The following FUNDC1 variants were observed in gnomAD, a reference collection of about 807,000 sequenced individuals.
FUNDC1 encodes FUN14 domain-containing protein 1.
In FUNDC1, 10 loss-of-function variants were observed where a neutral mutation model predicts 14.5. The observed-to-expected ratio is 0.69, with a 90% CI of 0.43 to 1.17. The LOEUF (loss-of-function observed/expected upper bound fraction) is 1.17, where lower values mean the gene tolerates loss of function less well. FUNDC1 is among the 50% of genes most tolerant of loss of function. The pLI is 0.00. For missense variants in FUNDC1, 115 were observed against 113.8 expected, an observed-to-expected ratio of 1.01 and a Z score of -0.05; for synonymous variants, 33 against 39.7, an observed-to-expected ratio of 0.83 and a Z score of 0.64.
intron 4 of FUNDC1, among the ~76,000 whole-genome samples, chrX:44,525,860 G>A (rs895084316): frequency 9.1e-6 from 1 of 109,780 alleles, no homozygotes; most frequent in Non-Finnish European, 1.9e-5. Context: ...AATTAACAAA[G>A]AAAGGAAATA....
At chrX:44,529,502 A>C (rs1485316545) in intron 3 of FUNDC1, among the ~76,000 whole-genome samples, 1 of 111,260 alleles carries the variant, frequency 9.0e-6, no homozygotes, top group Non-Finnish European at 1.9e-5. Context: ...CTCAGCACTA[A>C]ACACACCCTT....
intron 2 of FUNDC1, 47 bp from the exon 3 acceptor site, chrX:44,538,589 C>T (rs1199197600): frequency 1.1e-6 from 1 of 904,924 alleles, no homozygotes; most frequent in Non-Finnish European, 1.6e-6. Flanking sequence ...ATGTACTAAA[C>T]CCTCTCCCTC....
chrX:44,527,019 T>C (rs188574181), intron 4 of FUNDC1, among the ~76,000 whole-genome samples: 1 of 105,348 alleles, frequency 9.5e-6, no homozygotes, highest in Admixed American at 1.0e-4. Flanking sequence ...GCTAGAGATA[T>C]GCAGGGGAAT....
chrX:44,533,752 A>G (rs1477889660), intron 3 of FUNDC1, among the ~76,000 whole-genome samples: 5 of 110,389 alleles, frequency 4.5e-5, no homozygotes, highest in Non-Finnish European at 9.5e-5. Flanking sequence ...AGCAAGAAAC[A>G]GAATGCTAAA....
intron 3 of FUNDC1, among the ~76,000 whole-genome samples, chrX:44,528,514 A>C (rs920386998): frequency 6.2e-5 from 7 of 112,283 alleles, no homozygotes; most frequent in Non-Finnish European, 1.1e-4. Context: ...AAAATTCTAC[A>C]TATAAATTGA....
At chrX:44,542,725 G>C (rs1297052569) in intron 1 of FUNDC1, 80 bp downstream of exon 1, 1 of 960,961 alleles carries the variant, frequency 1.0e-6, no homozygotes, top group Non-Finnish European at 1.4e-6. Context: ...CTAGGGCAGG[G>C]GAAGGAAGAG....
intron 4 of FUNDC1, 108 bp from the exon 5 acceptor site, chrX:44,524,383 C>A: frequency 1.9e-6 from 1 of 522,629 alleles, no homozygotes; most frequent in Admixed American, 2.9e-5. Context: ...ACAGATATTA[C>A]ATGATTCTGC....
At chrX:44,526,238 G>T (rs921588990) in intron 4 of FUNDC1, among the ~76,000 whole-genome samples, 1 of 111,352 alleles carries the variant, frequency 9.0e-6, no homozygotes, top group African/African-American at 3.3e-5. Flanking sequence ...AGACCAGCCT[G>T]GCCAACATGG....
Position 44,541,965 on chromosome X carries a change from T to C in FUNDC1, c.165A>G (p.Val55=). The C allele has an allele frequency of 8.3e-7, 1 of 1,205,899 alleles. No individual in the cohort carries two copies. Among genetic ancestry groups the C allele is most frequent in the Non-Finnish European group, 1.1e-6 (1 of 893,185 alleles). Residue 55 remains valine, a synonymous_variant, in exon 2 of 5, where the codon GTA becomes GTG. Transcript: ENST00000378045. ...VEKYSVATQI[V]MGGVTGWCAG... is the part of the protein sequence containing the mutation. Reference sequence around the variant, plus strand: ...CTCACCAGCCAGTAACGCCACCCATTACAATCTGGGTAGCTACTGAGTATT... The same window carrying C: ...CTCACCAGCCAGTAACGCCACCCATCACAATCTGGGTAGCTACTGAGTATT...
At chrX:44,533,956 T>C (rs1458389102) in intron 3 of FUNDC1, among the ~76,000 whole-genome samples, 1 of 107,671 alleles carries the variant, frequency 9.3e-6, no homozygotes, top group Non-Finnish European at 1.9e-5. Context: ...TCCCAGCTAC[T>C]TGGGAGGCTG....
chrX:44,529,248 C>T (rs1203427110), intron 3 of FUNDC1, among the ~76,000 whole-genome samples: 1 of 111,724 alleles, frequency 9.0e-6, no homozygotes, highest in Non-Finnish European at 1.9e-5. Flanking sequence ...TAAACAAATT[C>T]TCACAAACAG....
intron 1 of FUNDC1, 159 bp from the exon 2 acceptor site, chrX:44,542,260 G>A: frequency 2.2e-6 from 1 of 446,579 alleles, no homozygotes; most frequent in Non-Finnish European, 3.8e-6. Flanking sequence ...CAATTCTTGA[G>A]ACCAGGGCCT....
At chrX:44,535,654 A>G (rs1419902993) in intron 3 of FUNDC1, among the ~76,000 whole-genome samples, 2 of 81,325 alleles carry the variant, frequency 2.5e-5, no homozygotes, top group East Asian at 8.6e-4. Context: ...TGGGTGACAG[A>G]GCAAGACTCT....
chrX:44,541,758 G>A (rs2038972866), intron 2 of FUNDC1, among the ~76,000 whole-genome samples, 187 bp downstream of exon 2: 1 of 110,935 alleles, frequency 9.0e-6, no homozygotes, highest in Non-Finnish European at 1.9e-5. Context: ...GCATGGGGGA[G>A]GGGATCGCCA....
chrX:44,529,364 T>A (rs1356661600), intron 3 of FUNDC1, among the ~76,000 whole-genome samples: 1 of 111,430 alleles, frequency 9.0e-6, no homozygotes, highest in Non-Finnish European at 1.9e-5. Context: ...ATTCTCTACG[T>A]TTTGGGGGAA....
At chrX:44,539,231 C>G (rs1415333156) in intron 2 of FUNDC1, among the ~76,000 whole-genome samples, 1 of 111,955 alleles carries the variant, frequency 8.9e-6, no homozygotes, top group Non-Finnish European at 1.9e-5. Context: ...CTCACATTCC[C>G]TTCAGCATTC....
At position 44,542,736 on chromosome X, in the gene FUNDC1, G is replaced by A. The variant is rs182922715; in HGVS notation, c.28+69C>T. The stretch of plus-strand genomic sequence containing the variant: ...AATCCTAGGGCAGGGGAAGGAAGAG[G>A]TGCCATAGGAGCAAGGTCGAGAGCT... On this transcript the variant is annotated intron_variant, in intron 1 of 4. Transcript: ENST00000378045. The A allele has an allele frequency of 5.5e-4, 565 of 1,029,312 alleles. 3 individuals carry two copies. The East Asian group carries it at 0.019, about 35-fold the overall frequency. The allele number at this position is 1,029,312 out of a possible 1,213,427, so 84.8% of individuals were successfully genotyped here.
Position 44,527,311 on chromosome X carries a change from C to T in FUNDC1, c.316G>A (p.Val106Ile). 1.7e-6 allele frequency: 2 copies of T among 1,192,993 alleles called. No homozygotes were observed. The highest frequency in any genetic ancestry group is 1.8e-5 in the South Asian group (1 of 54,975). Residue 106 changes from valine (V) to isoleucine (I), a missense_variant, in exon 4 of 5, where the codon GTA becomes ATA. Transcript: ENST00000378045. The part of the protein sequence containing the change: ...QIDWKRVEKD[V>I]NKAKRQIKKR... ...TTAATCTGTCTTTTTGCTTTATTTA[C>T]ATCTTTTTCAACTCTCTTCCAGTCA...
At position 44,542,817 on chromosome X, in the gene FUNDC1, G is replaced by T. The variant is rs1335822800; in HGVS notation, c.16C>A (p.Pro6Thr). ...CCTGGCCGCTCACCTTGGGGAGGGGGGTTCCGGGTCGCCATGATACCGCCA... is the reference window on the plus strand; with the variant it reads ...CCTGGCCGCTCACCTTGGGGAGGGGTGTTCCGGGTCGCCATGATACCGCCA... MATRN[P>T]PPQDYESDDD... Residue 6 changes from proline (P) to threonine (T), a missense_variant, in exon 1 of 5, where the codon CCC (proline) becomes ACC (threonine). Transcript: ENST00000378045. 3 of 1,167,920 alleles carry T rather than the reference G, an allele frequency of 2.6e-6. No individual in the cohort carries two copies. The South Asian group carries it at 5.7e-5, about 22-fold the overall frequency.
Sources: allele counts gnomAD v4.1 joint callset (sites outside exome capture counted in the v4.1 genomes callset), GRCh38; gene constraint gnomAD v4.1.1; transcripts MANE v1.5; gene names NCBI Gene and HGNC (gene_info 2026-07-23, HGNC 2026-07-21).